Variants in GALNT17 observed in about 807,000 individuals in gnomAD.
GALNT17 encodes the protein polypeptide N-acetylgalactosaminyltransferase 17.
Under a neutral mutation model 63.7 loss-of-function variants are expected in GALNT17, and 29 were observed. That is an observed-to-expected ratio of 0.46 (90% CI 0.34 to 0.62). GALNT17 has a LOEUF of 0.62. GALNT17 is among the 20% of genes least tolerant of loss of function. The pLI, the probability that GALNT17 is intolerant of heterozygous loss-of-function variation, is 0.01. For missense variants in GALNT17, 603 were observed against 799.6 expected (o/e 0.75, Z 2.97); for synonymous variants, 305 against 318.3 (o/e 0.96, Z 0.45).
chr7:71,671,764 G>A (rs1448230264), intron 8 of GALNT17, among the ~76,000 whole-genome samples: 1 of 152,144 alleles, frequency 6.6e-6, no homozygotes, highest in Admixed American at 6.6e-5. Flanking sequence ...CGTGGCTCAC[G>A]CCTGTAATCC....
At chr7:71,269,513 C>T (rs1790548398) in intron 1 of GALNT17, among the ~76,000 whole-genome samples, 1 of 152,168 alleles carries the variant, frequency 6.6e-6, no homozygotes, top group Non-Finnish European at 1.5e-5. Context: ...CTCCCCTCTT[C>T]TCTCGTCTGC....
At chr7:71,486,736 G>A (rs546947154) in intron 5 of GALNT17, among the ~76,000 whole-genome samples, 2 of 151,610 alleles carry the variant, frequency 1.3e-5, no homozygotes, top group African/African-American at 4.8e-5. Context: ...GGTGATATGT[G>A]CCTGTAAGTC....
intron 6 of GALNT17, among the ~76,000 whole-genome samples, chr7:71,626,190 G>A (rs1393314636): frequency 6.6e-6 from 1 of 150,652 alleles, no homozygotes; most frequent in African/African-American, 2.4e-5. Context: ...GTTGCAGTGA[G>A]CTGAGATCAC....
chr7:71,395,241 T>C (rs1016870534), intron 3 of GALNT17, among the ~76,000 whole-genome samples: 1 of 152,222 alleles, frequency 6.6e-6, no homozygotes, highest in African/African-American at 2.4e-5. Context: ...CTCTCCCAAT[T>C]CTACCCTTAC....
chr7:71,623,867 C>T (rs906197449), intron 6 of GALNT17, among the ~76,000 whole-genome samples: 2 of 152,192 alleles, frequency 1.3e-5, no homozygotes, highest in African/African-American at 4.8e-5. Context: ...ATCTTTGTCC[C>T]TTCACCAGAC....
At chr7:71,500,899 A>T (rs1380519967) in intron 5 of GALNT17, among the ~76,000 whole-genome samples, 1 of 152,046 alleles carries the variant, frequency 6.6e-6, no homozygotes, top group South Asian at 2.1e-4. Flanking sequence ...ATATCGATCT[A>T]GTTTAGATTC....
intron 1 of GALNT17, among the ~76,000 whole-genome samples, chr7:71,179,589 G>A (rs1403322709): frequency 3.3e-5 from 5 of 151,746 alleles, no homozygotes; most frequent in African/African-American, 1.2e-4. Flanking sequence ...CCATACTCCT[G>A]TGGTTTCTCA....
chr7:71,640,895 G>A (rs768054398), intron 6 of GALNT17, among the ~76,000 whole-genome samples: 1 of 151,912 alleles, frequency 6.6e-6, no homozygotes, highest in Non-Finnish European at 1.5e-5. Context: ...GGGATCCACA[G>A]TTTTCACCAG....
At chr7:71,401,684 A>G (rs1793244205) in intron 3 of GALNT17, among the ~76,000 whole-genome samples, 1 of 152,144 alleles carries the variant, frequency 6.6e-6, no homozygotes, top group Admixed American at 6.6e-5. Flanking sequence ...TGAGCTGCAC[A>G]TGTGAGGAAT....
intron 1 of GALNT17, among the ~76,000 whole-genome samples, chr7:71,185,473 C>T (rs946273969): frequency 1.5e-4 from 22 of 151,714 alleles, no homozygotes; most frequent in African/African-American, 4.8e-4. Flanking sequence ...GCTGCGATTA[C>T]AGGCATGAGC....
chr7:71,519,620 C>A (rs527372436), intron 5 of GALNT17, among the ~76,000 whole-genome samples: 3 of 152,100 alleles, frequency 2.0e-5, no homozygotes, highest in Admixed American at 1.3e-4. Context: ...TGCACCACCA[C>A]GCCCAGGTAA....
At chr7:71,506,583 T>C (rs1253852565) in intron 5 of GALNT17, among the ~76,000 whole-genome samples, 1 of 152,178 alleles carries the variant, frequency 6.6e-6, no homozygotes, top group Non-Finnish European at 1.5e-5. Flanking sequence ...ATATTAATTT[T>C]TTACATATAA....
At chr7:71,495,990 C>T (rs955829409) in intron 5 of GALNT17, among the ~76,000 whole-genome samples, 5 of 152,208 alleles carry the variant, frequency 3.3e-5, no homozygotes, top group African/African-American at 1.2e-4. Flanking sequence ...CTGCCCACCC[C>T]TGCTGTTGCT....
intron 1 of GALNT17, among the ~76,000 whole-genome samples, chr7:71,155,751 T>C (rs1323729747): frequency 6.6e-6 from 1 of 151,796 alleles, no homozygotes; most frequent in African/African-American, 2.4e-5. Flanking sequence ...ACCTATAGAG[T>C]ACATCATTCT....
intron 1 of GALNT17, among the ~76,000 whole-genome samples, chr7:71,143,721 G>T (rs187731250): frequency 2.6e-4 from 39 of 152,048 alleles, no homozygotes; most frequent in Admixed American, 2.3e-3. Context: ...ATTGCATCTG[G>T]GGATGATTGG....
chr7:71,450,118 A>G (rs1344724753), intron 5 of GALNT17, among the ~76,000 whole-genome samples: 1 of 144,752 alleles, frequency 6.9e-6, no homozygotes, highest in Non-Finnish European at 1.5e-5. Flanking sequence ...GTCCTGGTTT[A>G]TTAGTTGTTA....
chr7:71,526,035 C>T (rs150397457), intron 5 of GALNT17, among the ~76,000 whole-genome samples: 6 of 152,042 alleles, frequency 3.9e-5, no homozygotes, highest in Admixed American at 2.0e-4. Flanking sequence ...CCACCACGCC[C>T]GGCCTCGAGT....
intron 9 of GALNT17, among the ~76,000 whole-genome samples, chr7:71,687,168 C>G (rs1218599736): frequency 6.6e-6 from 1 of 152,198 alleles, no homozygotes; most frequent in African/African-American, 2.4e-5. Flanking sequence ...CTTCTCCGTC[C>G]TTTCCGAGAG....
At chr7:71,476,475 A>G (rs1787724557) in intron 5 of GALNT17, among the ~76,000 whole-genome samples, 1 of 151,678 alleles carries the variant, frequency 6.6e-6, no homozygotes, top group Admixed American at 6.6e-5. Context: ...CAAAGGTGGT[A>G]TTGCCAAGTG....
Sources: gnomAD v4.1 joint callset for allele counts (sites outside exome capture counted in the v4.1 genomes callset) on GRCh38, gnomAD v4.1.1 for gene constraint, MANE v1.5 for transcripts, NCBI Gene and HGNC (gene_info 2026-07-23, HGNC 2026-07-21) for gene names.